Variants in CGREF1 observed in about 807,000 individuals in gnomAD.
The protein encoded by CGREF1 is cell growth regulator with EF-hand domain 1.
CGREF1 carries 16 observed loss-of-function variants against 17.4 expected under a neutral mutation model. The observed-to-expected ratio is 0.92, with a 90% CI of 0.62 to 1.40. The LOEUF (loss-of-function observed/expected upper bound fraction) is 1.40. CGREF1 is among the 40% of genes most tolerant of loss of function. CGREF1 has a pLI of 0.00. For missense variants in CGREF1, 296 were observed against 376.4 expected (o/e 0.79, Z 1.77); for synonymous variants, 142 against 154.6 (o/e 0.92, Z 0.61).
rs1290970619 is a variant in CGREF1 at position 27,101,755 on chromosome 2, G to A, written c.476C>T (p.Ser159Phe). 2 of 1,614,124 alleles carry A rather than the reference G, an allele frequency of 1.2e-6. No individual in the cohort carries two copies. The highest frequency in any genetic ancestry group is 1.3e-5 in the African/African-American group (1 of 74,934). The change falls in exon 6 of 6, where the codon TCT becomes TTT. Residue 159 changes from serine to phenylalanine, a missense_variant. Physicochemically the swap from Ser to Phe is radical, Grantham distance 155 (BLOSUM62 -2). Coordinates refer to ENST00000402394, the MANE Select transcript of CGREF1 (RefSeq NM_006569.6). Reference protein sequence around the residue: ...HVEPGEPLAPSPQEPQAVGRQ... With the variant: ...HVEPGEPLAPFPQEPQAVGRQ... The stretch of plus-strand genomic sequence containing the variant: ...TCCAACAGCTTGTGGCTCCTGAGGA[G>A]ATGGAGCAAGGGGCTCTCCGGGCTC...
rs376417722 is a variant in CGREF1 at position 27,101,584 on chromosome 2, C to T, written c.647G>A (p.Gly216Glu). The stretch of plus-strand genomic sequence containing the variant: ...TTCCCCTCTGGGCCCTGGAACATCT[C>T]CATCAGCCTCTGCCTGGCCCCCAGG... ...QEPGGQAEADGDVPGPRGEAE... is the reference protein window; with the variant it reads ...QEPGGQAEADEDVPGPRGEAE... Residue 216 changes from glycine to glutamate, a missense_variant, in exon 6 of 6, where the codon GGA becomes GAA. Around this residue, in one of 3 missense-constraint regions of CGREF1, gnomAD observed 247 missense variants for 267.2 expected, o/e 0.92. Transcript: ENST00000402394. The T allele has an allele frequency of 2.5e-5, 41 of 1,613,362 alleles. No individual in the cohort carries two copies. The Middle Eastern group carries it at 4.9e-4, about 19-fold the overall frequency.
In CGREF1 at chr2:27,101,622, A is replaced by T; in HGVS notation, c.609T>A (p.Asp203Glu). 6.2e-7 allele frequency: 1 copy of T among 1,613,922 alleles called. No individual in the cohort carries two copies. Among genetic ancestry groups the T allele is most frequent in the Non-Finnish European group, 8.5e-7 (1 of 1,179,980 alleles). ...CCTGGCCCCCAGGCTCCTGGACAGG[A>T]TCCAAAGACTCCCTTCTGGCCTCTA... ...GQVEARRESLDPVQEPGGQAE... is the reference protein window; with the variant it reads ...GQVEARRESLEPVQEPGGQAE... Residue 203 changes from aspartate to glutamate, a missense_variant, in exon 6 of 6, where the codon GAT becomes GAA. Coordinates refer to ENST00000402394, the MANE Select transcript of CGREF1 (RefSeq NM_006569.6).
At chr2:27,099,907 A>G (rs1670701813), downstream of CGREF1, 4 of 1,499,876 alleles carry the variant, frequency 2.7e-6, no homozygotes, top group African/African-American at 1.4e-5. Flanking sequence ...CCACAGGGAG[A>G]GGCTCTGGGG....
rs1259106800 is a variant in CGREF1, at chr2:27,116,923, C to CTCTCTCTCTT, written c.-12+1922_-12+1923insAAGAGAGAGA. Among the ~76,000 whole-genome samples the CTCTCTCTCTT allele has an allele frequency of 2.9e-3, 156 of 52,986 alleles. 1 individual carries two copies. Among genetic ancestry groups the CTCTCTCTCTT allele is most frequent in the African/African-American group, 3.9e-3 (40 of 10,316 alleles). 34.8% of individuals were successfully genotyped at this position (52,986 alleles called of 152,430 possible). ...TCTCTCTCTCTCTCTCTCTCTCTCT[C>CTCTCTCTCTT]TTTTTTTGAGACAGAGTCTCGCTCT... is the stretch of plus-strand genomic sequence containing the variant. On this transcript the variant is annotated intron_variant, in intron 1 of 5. Transcript: ENST00000402394.
intron 2 of CGREF1, among the ~76,000 whole-genome samples, chr2:27,103,717 G>A (rs1448234164): frequency 6.7e-6 from 1 of 149,312 alleles, no homozygotes; most frequent in African/African-American, 2.5e-5. Flanking sequence ...AGGCACGGTG[G>A]CTCATGCCTG....
At chr2:27,116,876 T>A (rs187428307) in intron 1 of CGREF1, among the ~76,000 whole-genome samples, 41 of 30,682 alleles carry the variant, frequency 1.3e-3, no homozygotes, top group East Asian at 6.4e-4. Context: ...GCCTATTCTC[T>A]CTCTCTCTCT....
At chr2:27,116,831 A>AGT (rs1264077790) in intron 1 of CGREF1, among the ~76,000 whole-genome samples, 1 of 146,442 alleles carries the variant, frequency 6.8e-6, no homozygotes, top group Non-Finnish European at 1.5e-5. Flanking sequence ...GGCCTCCCAA[A>AGT]GTGCTGGGAT....
chr2:27,110,114 T>C (rs1470578845), intron 1 of CGREF1, among the ~76,000 whole-genome samples: 7 of 150,578 alleles, frequency 4.6e-5, no homozygotes, highest in Non-Finnish European at 8.9e-5. Context: ...TTCCAGCACT[T>C]TGGGAGGCCG....
intron 4 of CGREF1, 52 bp downstream of exon 4, chr2:27,102,308 A>T: frequency 1.2e-6 from 2 of 1,612,452 alleles, no homozygotes; most frequent in South Asian, 2.2e-5. Flanking sequence ...TCAGTCCCAG[A>T]TCTGGCTGCC....
downstream of CGREF1, chr2:27,100,116 G>A (rs1027498822): frequency 1.1e-5 from 6 of 559,538 alleles, no homozygotes; most frequent in East Asian, 1.5e-4. Flanking sequence ...AGCGAGAAGT[G>A]CCCTGGGCTT....
At chr2:27,102,824 C>T (rs1279701258) in intron 2 of CGREF1, 1 of 687,608 alleles carries the variant, frequency 1.5e-6, no homozygotes, top group East Asian at 1.3e-4. Context: ...AATGAAAACC[C>T]AAATAAAACA....
At chr2:27,110,712 C>G (rs1021409068) in intron 1 of CGREF1, 1 of 162,362 alleles carries the variant, frequency 6.2e-6, no homozygotes, top group African/African-American at 2.4e-5. Context: ...GGTTCTTGGT[C>G]TCACTGACTT....
At chr2:27,101,950 C>T in intron 5 of CGREF1, 62 bp from the exon 6 acceptor site, 4 of 1,582,888 alleles carry the variant, frequency 2.5e-6, no homozygotes, top group Non-Finnish European at 3.4e-6. Context: ...AGTTCTGACC[C>T]TCCCTAACAC....
chr2:27,109,949 G>C (rs1157047427), intron 1 of CGREF1, among the ~76,000 whole-genome samples: 1 of 120,318 alleles, frequency 8.3e-6, no homozygotes, highest in African/African-American at 3.3e-5. Context: ...TAAAAAATTA[G>C]AACTGGAATG....
chr2:27,102,366 C>G lies in CGREF1; in HGVS notation c.211G>C (p.Glu71Gln). The G allele has an allele frequency of 1.2e-6, 2 of 1,614,148 alleles. No individual in the cohort carries two copies. Among genetic ancestry groups the G allele is most frequent in the Non-Finnish European group, 1.7e-6 (2 of 1,179,988 alleles). The change falls in exon 4 of 6, where the codon GAG becomes CAG. Residue 71 changes from glutamate (E) to glutamine (Q), a missense_variant. Physicochemically the swap from Glu to Gln is conservative, Grantham distance 29. This residue lies in a region of CGREF1 where 247 missense variants were observed against 267.2 expected (regional missense o/e 0.92). Transcript: ENST00000402394. ...CATCAGCCCAGCCCCTCACCCTGCT[C>G]CCGGCTCAGATGCTCCAGTTGCACT... ...TEVQLEHLSR[E>Q]QVLLYLFALH...
Position 27,100,613 on chromosome 2 carries a change from TA to T in CGREF1, c.*660del. ...CAGACCTGGATTAAAATCTGCCATT[TA>T]ATTAGCTGCATATCACCTTAGGGTA... On this transcript the variant is annotated 3_prime_UTR_variant, in exon 6 of 6. Transcript: ENST00000402394. 2 of 1,207,752 alleles carry T rather than the reference TA, an allele frequency of 1.7e-6. No homozygotes were observed. The highest frequency in any genetic ancestry group is 2.6e-5 in the South Asian group (2 of 77,332). 74.8% of individuals were successfully genotyped at this position (1,207,752 alleles called of 1,614,324 possible). A position where few individuals can be genotyped will look rare whatever the true frequency, so the allele number is the denominator to read the frequency against.
intron 1 of CGREF1, among the ~76,000 whole-genome samples, chr2:27,112,853 A>G (rs1671441009): frequency 6.6e-6 from 1 of 152,244 alleles, no homozygotes; most frequent in Admixed American, 6.5e-5. Flanking sequence ...CGAGGAGACA[A>G]GTGACAGAGA....
downstream of CGREF1, chr2:27,099,792 G>A: frequency 6.2e-7 from 1 of 1,604,288 alleles, no homozygotes; most frequent in Non-Finnish European, 8.5e-7. Flanking sequence ...GACTACCATT[G>A]CGGCTGCATC....
In CGREF1 at chr2:27,111,719, C is replaced by A. The variant is rs1232305283; in HGVS notation, c.-12+7127G>T. ...AGCAGCTGCTGGCCCAGGTGCTAAG[C>A]CCCTCACTGCCCGGGGCCGGCGGGG... On this transcript the variant is annotated intron_variant, in intron 1 of 5. Coordinates refer to ENST00000402394, the MANE Select transcript of CGREF1 (RefSeq NM_006569.6). Among the ~76,000 whole-genome samples, 8 of 152,264 alleles carry A rather than the reference C, an allele frequency of 5.3e-5. No individual in the cohort carries two copies. In the East Asian group the frequency reaches 1.2e-3, roughly 22 times the overall value.
Sources: allele counts gnomAD v4.1 joint callset (sites outside exome capture counted in the v4.1 genomes callset), GRCh38; gene constraint gnomAD v4.1.1; regional missense constraint gnomAD v4.1.1; transcripts MANE v1.5; gene names NCBI Gene and HGNC (gene_info 2026-07-23, HGNC 2026-07-21).